The following SLC5A4 variants were observed in gnomAD, a reference collection of about 807,000 sequenced individuals.
The protein encoded by SLC5A4 is probable glucose sensor protein SLC5A4.
A neutral mutation model predicts 70.3 loss-of-function variants in SLC5A4; 55 were observed. That is an observed-to-expected ratio of 0.78 (90% CI 0.63 to 0.98). The LOEUF is 0.98. Among genes scored for constraint, SLC5A4 ranks in the 50% least tolerant of loss-of-function variants. The pLI is 0.00. For missense variants in SLC5A4, 735 were observed against 839.2 expected, an observed-to-expected ratio of 0.88 and a Z score of 1.53; for synonymous variants, 268 against 305.7, an observed-to-expected ratio of 0.88 and a Z score of 1.29.
the SLC5A4 span, among the ~76,000 whole-genome samples, chr22:32,299,992 TGAG>T: frequency 2.2e-5 from 3 of 133,372 alleles, no homozygotes; most frequent in African/African-American, 8.4e-5. Flanking sequence ...GGGACCCACT[TGAG>T]GAGGCAGTCT....
At chr22:32,288,661 C>G in the SLC5A4 span, among the ~76,000 whole-genome samples, 1 of 152,144 alleles carries the variant, frequency 6.6e-6, no homozygotes, top group East Asian at 1.9e-4. Context: ...ATTCTCCTGC[C>G]TCAGCCACCC....
the SLC5A4 span, among the ~76,000 whole-genome samples, chr22:32,287,531 A>G: frequency 6.6e-6 from 1 of 152,072 alleles, no homozygotes; most frequent in South Asian, 2.1e-4. Flanking sequence ...GGAGGCAAGT[A>G]ATATGTCTCT....
intron 5 of SLC5A4, among the ~76,000 whole-genome samples, chr22:32,246,021 A>AT (rs1926805583): frequency 6.6e-6 from 1 of 152,174 alleles, no homozygotes; most frequent in Non-Finnish European, 1.5e-5. Flanking sequence ...CCCCAATGCC[A>AT]TCCATCAGGG....
chr22:32,319,447 T>C, the SLC5A4 span, among the ~76,000 whole-genome samples: 1 of 152,210 alleles, frequency 6.6e-6, no homozygotes, highest in Non-Finnish European at 1.5e-5. Context: ...ACTCTCACCA[T>C]TGGCTCTCCT....
At chr22:32,336,493 G>A in the SLC5A4 span, among the ~76,000 whole-genome samples, 6 of 152,250 alleles carry the variant, frequency 3.9e-5, no homozygotes, top group South Asian at 2.1e-4. Flanking sequence ...CAGGATTATA[G>A]GAGCCACCTC....
At chr22:32,239,634 A>C (rs1379448071) in intron 5 of SLC5A4, among the ~76,000 whole-genome samples, 4 of 126,844 alleles carry the variant, frequency 3.2e-5, no homozygotes, top group African/African-American at 5.7e-5. Flanking sequence ...AAATATATAT[A>C]ATATATATAT....
At chr22:32,353,477 G>A in the SLC5A4 span, among the ~76,000 whole-genome samples, 2 of 152,006 alleles carry the variant, frequency 1.3e-5, no homozygotes, top group South Asian at 2.1e-4. Context: ...CTGTGCATCC[G>A]CCGCGCTCCA....
At chr22:32,335,816 C>CA in the SLC5A4 span, among the ~76,000 whole-genome samples, 1 of 134 alleles carries the variant, frequency 7.5e-3, no homozygotes, top group African/African-American at 0.028. Flanking sequence ...TCTCCCCCAG[C>CA]ACCTCTGGGA....
upstream of SLC5A4, among the ~76,000 whole-genome samples, chr22:32,259,586 A>G (rs1927655862): frequency 1.3e-5 from 2 of 152,156 alleles, no homozygotes; most frequent in Admixed American, 1.3e-4. Context: ...ATATGCTGCT[A>G]TATTAGGTTA....
chr22:32,306,428 T>G, the SLC5A4 span, among the ~76,000 whole-genome samples: 3 of 149,102 alleles, frequency 2.0e-5, no homozygotes, highest in Non-Finnish European at 4.4e-5. Context: ...ATTGCACCAC[T>G]GCACTCCAGC....
chr22:32,338,961 C>T, the SLC5A4 span, among the ~76,000 whole-genome samples: 3 of 152,106 alleles, frequency 2.0e-5, no homozygotes, highest in Non-Finnish European at 2.9e-5. Flanking sequence ...GTGTTGTCAT[C>T]GTATTACTAA....
chr22:32,263,284 C>T, the SLC5A4 span, among the ~76,000 whole-genome samples: 1 of 152,142 alleles, frequency 6.6e-6, no homozygotes. Context: ...CAGGCATGAG[C>T]CACTGAGCCT....
chr22:32,316,616 G>C, the SLC5A4 span, among the ~76,000 whole-genome samples: 29 of 152,038 alleles, frequency 1.9e-4, no homozygotes, highest in South Asian at 6.0e-3. Context: ...TATAACCTCT[G>C]CCTCTTGGGT....
At chr22:32,330,597 TGTAGGAAACTGTTGTGTCA>T in the SLC5A4 span, among the ~76,000 whole-genome samples, 1 of 114,872 alleles carries the variant, frequency 8.7e-6, no homozygotes, top group Non-Finnish European at 1.7e-5. Context: ...TGTGTGTGTG[TGTAGGAAACTGTTGTGTCA>T]GGAAGCTCTG....
the SLC5A4 span, among the ~76,000 whole-genome samples, chr22:32,292,368 T>C: frequency 6.8e-6 from 1 of 146,132 alleles, no homozygotes; most frequent in Non-Finnish European, 1.5e-5. Flanking sequence ...TGTACACACA[T>C]ATTTTCTAAT....
At chr22:32,323,339 G>A in the SLC5A4 span, among the ~76,000 whole-genome samples, 9 of 152,158 alleles carry the variant, frequency 5.9e-5, no homozygotes, top group African/African-American at 2.2e-4. Context: ...CTTAAGTCAG[G>A]AGCCTGTATG....
intron 2 of SLC5A4, among the ~76,000 whole-genome samples, chr22:32,253,503 C>G (rs1569384131): frequency 6.6e-6 from 1 of 152,174 alleles, no homozygotes; most frequent in South Asian, 2.1e-4. Flanking sequence ...AACAAGAGGG[C>G]CAGCATCAGC....
the SLC5A4 span, among the ~76,000 whole-genome samples, chr22:32,309,459 T>TGA: frequency 6.6e-6 from 1 of 152,148 alleles, no homozygotes; most frequent in Admixed American, 6.5e-5. Context: ...AAAATCAGGT[T>TGA]GAGTTGCTAA....
chr22:32,264,039 G>A, the SLC5A4 span, among the ~76,000 whole-genome samples: 7 of 151,946 alleles, frequency 4.6e-5, no homozygotes, highest in Non-Finnish European at 1.0e-4. Context: ...GGCCTGTCAT[G>A]GGGTTGGGGG....
Sources: allele counts gnomAD v4.1 joint callset (sites outside exome capture counted in the v4.1 genomes callset), GRCh38; gene constraint gnomAD v4.1.1; transcripts MANE v1.5; gene names NCBI Gene and HGNC (gene_info 2026-07-23, HGNC 2026-07-21).